The following DNAJB1 variants were observed in gnomAD, a reference collection of about 807,000 sequenced individuals.
DNAJB1 encodes the protein DnaJ heat shock protein family (Hsp40) member B1.
Under a neutral mutation model 24.0 loss-of-function variants are expected in DNAJB1, and 14 were observed. The observed-to-expected ratio is 0.58, with a 90% CI of 0.39 to 0.91. The LOEUF (loss-of-function observed/expected upper bound fraction) is 0.91. DNAJB1 is among the 40% of genes least tolerant of loss of function. DNAJB1 has a pLI of 0.00. For missense variants in DNAJB1, 517 were observed against 458.1 expected (o/e 1.13, Z -1.17); for synonymous variants, 262 against 174.4 (o/e 1.50, Z -3.96).
chr19:14,547,534 G>A (rs2073346455), intron 1 of DNAJB1, among the ~76,000 whole-genome samples: 1 of 151,986 alleles, frequency 6.6e-6, no homozygotes, highest in East Asian at 1.9e-4. Flanking sequence ...CTAATTTTTT[G>A]TATTTTCAGT....
chr19:14,543,406 TATATATATATATA>T (rs1190529764), intron 1 of DNAJB1, among the ~76,000 whole-genome samples: 879 of 12,124 alleles, frequency 0.073, 32 homozygotes, highest in South Asian at 0.24. Flanking sequence ...TATATATATA[TATATATATATATA>T]TTTTTTTTTT....
chr19:14,546,876 A>G (rs2073325587), intron 1 of DNAJB1, among the ~76,000 whole-genome samples: 1 of 152,094 alleles, frequency 6.6e-6, no homozygotes, highest in East Asian at 1.9e-4. Context: ...TTTTAGTAGA[A>G]ACAGGGTTTC....
exon 1 of DNAJB1, chr19:14,529,264 A>C (rs2072516777): frequency 3.2e-6 from 1 of 317,168 alleles, no homozygotes; most frequent in African/African-American, 2.1e-5. Context: ...CTTGCCTGTC[A>C]CTCAACTTCT....
At chr19:14,529,758 T>G (rs767563738), upstream of DNAJB1, 29 of 1,613,482 alleles carry the variant, frequency 1.8e-5, no homozygotes, top group Non-Finnish European at 2.4e-5. Flanking sequence ...TGACCCATTC[T>G]TTTTCCTTCT....
At chr19:14,534,224 A>G (rs780884859), upstream of DNAJB1, among the ~76,000 whole-genome samples, 29 of 150,888 alleles carry the variant, frequency 1.9e-4, no homozygotes, top group Admixed American at 7.3e-4. Context: ...TCCCGGGTTC[A>G]CGCCATTCTC....
intron 2 of DNAJB1, among the ~76,000 whole-genome samples, chr19:14,523,677 G>A (rs2072387822): frequency 6.6e-6 from 1 of 150,884 alleles, no homozygotes. Flanking sequence ...GAGCACAGTG[G>A]CACAATCTTG....
At chr19:14,519,436 C>T (rs1371986162), upstream of DNAJB1, among the ~76,000 whole-genome samples, 1 of 152,160 alleles carries the variant, frequency 6.6e-6, no homozygotes, top group Non-Finnish European at 1.5e-5. Context: ...TTCTCCCAAC[C>T]GTGGGGAGAA....
chr19:14,553,410 C>G (rs1480575022), upstream of DNAJB1, among the ~76,000 whole-genome samples: 1 of 152,154 alleles, frequency 6.6e-6, no homozygotes, highest in Admixed American at 6.5e-5. Flanking sequence ...TTCCTCCCCA[C>G]CCTGGGTGAC....
upstream of DNAJB1, among the ~76,000 whole-genome samples, chr19:14,523,162 C>T (rs569344775): frequency 3.2e-4 from 48 of 151,782 alleles, no homozygotes; most frequent in African/African-American, 1.2e-3. Flanking sequence ...GCCAAGATCA[C>T]GCCACTGTAC....
chr19:14,524,818 C>A (rs2072400376), intron 2 of DNAJB1, among the ~76,000 whole-genome samples: 1 of 126,314 alleles, frequency 7.9e-6, no homozygotes. Flanking sequence ...TGCACTCCAG[C>A]CTGGACAACA....
At chr19:14,542,360 T>C (rs1288191702) in intron 1 of DNAJB1, among the ~76,000 whole-genome samples, 1 of 128,354 alleles carries the variant, frequency 7.8e-6, no homozygotes, top group Non-Finnish European at 1.7e-5. Context: ...TTTTTTTTTT[T>C]TTTTTTTTTT....
intron 1 of DNAJB1, among the ~76,000 whole-genome samples, chr19:14,542,619 C>G (rs968058956): frequency 6.6e-5 from 10 of 152,104 alleles, no homozygotes. Context: ...GCTTTGGCCT[C>G]CCAAAGTGTT....
At chr19:14,539,559 C>T (rs1234588966) in intron 1 of DNAJB1, among the ~76,000 whole-genome samples, 1 of 152,022 alleles carries the variant, frequency 6.6e-6, no homozygotes, top group African/African-American at 2.4e-5. Context: ...GTGGGAGGAT[C>T]TTAGTGTGCC....
chr19:14,517,944 G>C (rs1198406533), intron 1 of DNAJB1, 195 bp downstream of exon 1: 2 of 502,736 alleles, frequency 4.0e-6, no homozygotes, highest in Non-Finnish European at 6.5e-6. Flanking sequence ...TTCTGGCCGA[G>C]CGGCTGGGCC....
Position 14,516,793 on chromosome 19 carries a change from G to A in DNAJB1, c.465C>T (p.Pro155=), listed in dbSNP as rs756650237. The A allele has an allele frequency of 3.1e-6, 5 of 1,613,738 alleles. No homozygotes were observed. The highest frequency in any genetic ancestry group is 2.7e-5 in the African/African-American group (2 of 74,900). Residue 155 remains proline, a synonymous_variant, in exon 2 of 3, where the codon CCC becomes CCT. Coordinates refer to ENST00000254322, the MANE Select transcript of DNAJB1 (RefSeq NM_006145.3). ...NFGRSRSAQE[P]ARKKQDPPVT... is the part of the protein sequence containing the mutation. The stretch of plus-strand genomic sequence containing the variant: ...CTGGGGGATCTTGCTTCTTTCGGGC[G>A]GGCTCTTGGGCAGAGCGGGAGCGGC...
chr19:14,551,671 G>A (rs574936082), upstream of DNAJB1, among the ~76,000 whole-genome samples: 1 of 152,202 alleles, frequency 6.6e-6, no homozygotes, highest in Admixed American at 6.5e-5. Flanking sequence ...TGTGGTATGA[G>A]TTGCTGATAG....
chr19:14,517,838 C>G (rs557225164), intron 1 of DNAJB1: 9 of 301,232 alleles, frequency 3.0e-5, no homozygotes, highest in Admixed American at 1.0e-4. Context: ...CCGTCGTCAC[C>G]CCCGGCTCCC....
intron 1 of DNAJB1, among the ~76,000 whole-genome samples, chr19:14,539,747 G>C (rs1045163576): frequency 6.6e-6 from 1 of 151,846 alleles, no homozygotes; most frequent in Non-Finnish European, 1.5e-5. Context: ...TCGTGTTACC[G>C]AGCGCTCAGC....
chr19:14,518,078 C>T, intron 1 of DNAJB1, 61 bp downstream of exon 1: 2 of 1,371,490 alleles, frequency 1.5e-6, no homozygotes, highest in South Asian at 1.6e-5. Flanking sequence ...GAGGGGCCAG[C>T]GTGCCTCAGT....
Sources: gnomAD v4.1 joint callset for allele counts (sites outside exome capture counted in the v4.1 genomes callset) on GRCh38, gnomAD v4.1.1 for gene constraint, MANE v1.5 for transcripts, NCBI Gene and HGNC (gene_info 2026-07-23, HGNC 2026-07-21) for gene names.